P3H4: variants seen among roughly 807,000 people sequenced by gnomAD.
The protein encoded by P3H4 is endoplasmic reticulum protein SC65.
Under a neutral mutation model 52.9 loss-of-function variants are expected in P3H4, and 47 were observed. The observed-to-expected ratio is 0.89, with a 90% CI of 0.70 to 1.13. P3H4 has a LOEUF of 1.13. Ranked by LOEUF, P3H4 falls within the 50% of genes most tolerant of loss-of-function variation. The probability of loss-of-function intolerance (pLI) is 0.00; values close to 1 mark genes in which losing one functional copy is unlikely to be tolerated. For missense variants in P3H4, 585 were observed against 611.0 expected (o/e 0.96, Z 0.45); for synonymous variants, 256 against 267.9 (o/e 0.96, Z 0.44).
chr17:41,803,033 G>T, intron 7 of P3H4, 54 bp from the exon 8 acceptor site: 1 of 1,595,694 alleles, frequency 6.3e-7, no homozygotes, highest in Non-Finnish European at 8.5e-7. Flanking sequence ...CTCCCAATGG[G>T]TGTCCAGGTG....
In P3H4 at chr17:41,811,758, C is replaced by T. The variant is rs2047742470; in HGVS notation, c.158G>A (p.Arg53His). The T allele has an allele frequency of 1.3e-6, 2 of 1,523,978 alleles. No homozygotes were observed. The highest frequency in any genetic ancestry group is 2.7e-5 in the East Asian group (1 of 36,642). 94.4% of individuals were successfully genotyped at this position (1,523,978 alleles called of 1,614,324 possible). The change falls in exon 1 of 8, where the codon CGC (arginine) becomes CAC (histidine). Residue 53 changes from arginine to histidine, a missense_variant. Arg to His is a conservative substitution (Grantham distance 29, BLOSUM62 0). Coordinates refer to ENST00000393928, the MANE Select transcript of P3H4 (RefSeq NM_006455.3). The surrounding 1 kb of genome is among the most constrained non-coding windows in gnomAD (Gnocchi z 4.8). ...CGCCTCCAGGTAGCGCGCGCTCTCG[C>T]GCCAGCTCTCTCCCTCGTACTGCTC... is the stretch of plus-strand genomic sequence containing the variant. ...ALEQYEGESW[R>H]ESARYLEAAL...
rs1474145170 is a variant in P3H4, at chr17:41,809,686, A to G, written c.916+20T>C. ...TATCACCTCGTCCCCTGCCCAAGCC[A>G]GCCCACCCAGGGGGCTCACACTTAT... is the stretch of plus-strand genomic sequence containing the variant. On this transcript the variant is annotated intron_variant, in intron 4 of 7. Transcript: ENST00000393928. 3 of 1,610,606 alleles carry G rather than the reference A, an allele frequency of 1.9e-6. No homozygotes were observed. In the African/African-American group the frequency reaches 4.0e-5, roughly 22 times the overall value.
rs958175874 is a variant in P3H4, at chr17:41,806,849, C to T, written c.1093G>A (p.Glu365Lys). The stretch of plus-strand genomic sequence containing the variant: ...GTGAACTCCAGCAGCTCCCGCAGCT[C>T]GGCGGTCTGGTTGTGGTAGAGCATG... ...EAMLYHNQTAELRELLEFTHM... is the reference protein window; with the variant it reads ...EAMLYHNQTAKLRELLEFTHM... Residue 365 changes from glutamate to lysine, a missense_variant, in exon 6 of 8, where the codon GAG (glutamate) becomes AAG (lysine). Glu to Lys is a moderately conservative substitution (Grantham distance 56, BLOSUM62 1). Coordinates refer to ENST00000393928, the MANE Select transcript of P3H4 (RefSeq NM_006455.3). 17 of 1,613,702 alleles carry T rather than the reference C, an allele frequency of 1.1e-5. No homozygotes were observed. The East Asian group carries it at 1.1e-4, about 11-fold the overall frequency.
intron 5 of P3H4, chr17:41,807,118 A>G: frequency 3.7e-6 from 2 of 536,808 alleles, no homozygotes; most frequent in Non-Finnish European, 6.7e-6. Flanking sequence ...ACTGACAAGG[A>G]AGGCAGGAGT....
In P3H4 at chr17:41,803,282, CT is replaced by C. The variant is rs782785274; in HGVS notation, c.1291+4del. On this transcript the variant is annotated splice_donor_region_variant and intron_variant, in intron 7 of 7. Transcript: ENST00000393928. Reference sequence around the variant, plus strand: ...CCCCACCCCCCAAGGACTCGTGTCACTGACCAGCCTCGGCCTCGTCACCCTT... The same window carrying C: ...CCCCACCCCCCAAGGACTCGTGTCACGACCAGCCTCGGCCTCGTCACCCTT... 6.8e-6 allele frequency: 11 copies of C among 1,612,538 alleles called. No homozygotes were observed. In the Admixed American group the frequency reaches 1.8e-4, roughly 27 times the overall value.
At position 41,811,809 on chromosome 17, in the gene P3H4, A is replaced by G. The variant is rs782499984; in HGVS notation, c.107T>C (p.Leu36Pro). The change falls in exon 1 of 8, where the codon CTG becomes CCG. Residue 36 changes from leucine (L) to proline (P), a missense_variant. Physicochemically the swap from Leu to Pro is moderately conservative, Grantham distance 98 (BLOSUM62 -3). Transcript: ENST00000393928. The surrounding 1 kb of genome is among the most constrained non-coding windows in gnomAD (Gnocchi z 4.8). Reference protein sequence around the residue: ...RGFPPEDLMPLAAAYGHALEQ... With the variant: ...RGFPPEDLMPPAAAYGHALEQ... ...CAGAGCGTGCCCGTACGCCGCGGCC[A>G]GCGGCATCAGGTCCTCGGGCGGGAA... is the stretch of plus-strand genomic sequence containing the variant. 6.5e-7 allele frequency: 1 copy of G among 1,537,396 alleles called. No individual in the cohort carries two copies.
chr17:41,811,207 C>T lies in P3H4; in HGVS notation c.540G>A (p.Lys180=). 1 of 1,614,172 alleles carries T rather than the reference C, an allele frequency of 6.2e-7. No homozygotes were observed. Among genetic ancestry groups the T allele is most frequent in the Non-Finnish European group, 8.5e-7 (1 of 1,180,036 alleles). ...GCATCCCCTGATAGTAGTTGAGATA[C>T]TTGGCGGTCAGCTCGTGCTTCGGGT... The part of the protein sequence containing the change: ...QRNPKHELTA[K]YLNYYQGMLD... Residue 180 remains lysine, a synonymous_variant, in exon 2 of 8, where the codon AAG becomes AAA. Coordinates refer to ENST00000393928, the MANE Select transcript of P3H4 (RefSeq NM_006455.3). This position sits in a 1 kb window ranked among gnomAD's most constrained non-coding sequence, Gnocchi z 4.8.
chr17:41,805,650 C>T (rs922466856), intron 6 of P3H4, among the ~76,000 whole-genome samples: 3 of 152,068 alleles, frequency 2.0e-5, no homozygotes, highest in Non-Finnish European at 4.4e-5. Context: ...CTCACCACAA[C>T]AATGTGAGAT....
rs2144033048 is a variant in P3H4 at position 41,811,355 on chromosome 17, G to T, written c.463-71C>A. ...GCTCGCGGCCCCGAGCGCACGGCGG[G>T]CTTCGTGCCTTGGGTGAAGATAACG... On this transcript the variant is annotated intron_variant, in intron 1 of 7. Coordinates refer to ENST00000393928, the MANE Select transcript of P3H4 (RefSeq NM_006455.3). The surrounding 1 kb of genome is among the most constrained non-coding windows in gnomAD (Gnocchi z 4.8). 1 of 1,606,364 alleles carries T rather than the reference G, an allele frequency of 6.2e-7. No homozygotes were observed. Among genetic ancestry groups the T allele is most frequent in the Non-Finnish European group, 8.5e-7 (1 of 1,175,310 alleles).
chr17:41,805,074 A>G (rs2047659304), intron 6 of P3H4, among the ~76,000 whole-genome samples: 1 of 152,040 alleles, frequency 6.6e-6, no homozygotes, highest in African/African-American at 2.4e-5. Context: ...TCACAAGGTC[A>G]GGAGATCGAG....
intron 5 of P3H4, chr17:41,807,080 G>C: frequency 1.7e-6 from 1 of 573,650 alleles, no homozygotes; most frequent in Non-Finnish European, 3.1e-6. Context: ...GTGACAAAGA[G>C]TCCCTCAATC....
intron 6 of P3H4, among the ~76,000 whole-genome samples, chr17:41,805,936 T>C (rs1484355883): frequency 5.3e-5 from 8 of 151,948 alleles, no homozygotes; most frequent in Admixed American, 4.6e-4. Flanking sequence ...TCAATGTTAA[T>C]AGGGCCGGGT....
Position 41,807,933 on chromosome 17 carries a change from G to T in P3H4, c.988C>A (p.Gln330Lys), listed in dbSNP as rs1258924545. 6.2e-7 allele frequency: 1 copy of T among 1,614,116 alleles called. No homozygotes were observed. Among genetic ancestry groups the T allele is most frequent in the Non-Finnish European group, 8.5e-7 (1 of 1,180,046 alleles). Residue 330 changes from glutamine to lysine, a missense_variant, in exon 5 of 8, where the codon CAG becomes AAG. By Grantham distance (53) the Gln-to-Lys change is moderately conservative. Coordinates refer to ENST00000393928, the MANE Select transcript of P3H4 (RefSeq NM_006455.3). ...AACCGGTAATACACCAGGTTCTGCT[G>T]CATGACGCTGTCCTTGGGGTCGAAG... ...MLFDPKDSVM[Q>K]QNLVYYRFHR... is the part of the protein sequence containing the mutation.
intron 7 of P3H4, 30 bp downstream of exon 7, chr17:41,803,257 C>A: frequency 6.3e-7 from 1 of 1,598,910 alleles, no homozygotes; most frequent in Non-Finnish European, 8.5e-7. Flanking sequence ...CAGGCTGCAT[C>A]CCCACCCCCC....
At position 41,806,500 on chromosome 17, in the gene P3H4, G is replaced by A. The variant is rs539550272; in HGVS notation, c.1146+296C>T. Among the ~76,000 whole-genome samples, 9 of 152,332 alleles carry A rather than the reference G, an allele frequency of 5.9e-5. No homozygotes were observed. The East Asian group carries it at 1.2e-3, about 20-fold the overall frequency. ...TGGCCAGGGAGGCACACAGGTCAGA[G>A]TGGGCACTGCTAGCCCAGAACAAAG... On this transcript the variant is annotated intron_variant, in intron 6 of 7. Transcript: ENST00000393928.
intron 3 of P3H4, 192 bp downstream of exon 3, chr17:41,810,671 T>G (rs1555614850): frequency 1.3e-5 from 8 of 626,248 alleles, no homozygotes; most frequent in Non-Finnish European, 5.4e-6. Flanking sequence ...TGTCACTGCC[T>G]CTACTCACTG....
intron 7 of P3H4, 85 bp from the exon 8 acceptor site, chr17:41,803,064 G>A (rs782225777): frequency 1.5e-5 from 23 of 1,519,026 alleles, no homozygotes; most frequent in Non-Finnish European, 2.0e-5. Context: ...GGGAGGTGGG[G>A]TGAGGCTCCC....
Position 41,811,724 on chromosome 17 carries a change from C to G in P3H4, c.192G>C (p.Arg64=). Residue 64 remains arginine (R), a synonymous_variant, in exon 1 of 8, where the codon CGG becomes CGC. Coordinates refer to ENST00000393928, the MANE Select transcript of P3H4 (RefSeq NM_006455.3). This position sits in a 1 kb window ranked among gnomAD's most constrained non-coding sequence, Gnocchi z 4.8. ...ESARYLEAAL[R]LHRLLRDSEA... ...CGCTGTCGCGCAGGAGCCGGTGCAG[C>G]CGCAGCGCCGCCTCCAGGTAGCGCG... The G allele has an allele frequency of 6.6e-7, 1 of 1,505,266 alleles. No homozygotes were observed. The allele number at this position is 1,505,266 out of a possible 1,614,324, so 93.2% of individuals were successfully genotyped here.
intron 6 of P3H4, 113 bp from the exon 7 acceptor site, chr17:41,803,544 C>A: frequency 1.1e-6 from 1 of 889,900 alleles, no homozygotes; most frequent in Non-Finnish European, 1.7e-6. Context: ...CCCCAAAGCC[C>A]CTCCCCCTCC....
Sources: gnomAD v4.1 joint callset for allele counts (sites outside exome capture counted in the v4.1 genomes callset) on GRCh38, gnomAD v4.1.1 for gene constraint, Gnocchi (gnomAD v3.1) non-coding constraint, MANE v1.5 for transcripts, NCBI Gene and HGNC (gene_info 2026-07-23, HGNC 2026-07-21) for gene names.